RGS5: variants seen among roughly 807,000 people sequenced by gnomAD.
RGS5 encodes the protein regulator of G-protein signalling 5.
Under a neutral mutation model 18.9 loss-of-function variants are expected in RGS5, and 20 were observed. The observed-to-expected ratio is 1.06, with a 90% confidence interval of 0.74 to 1.54. The LOEUF (loss-of-function observed/expected upper bound fraction) is 1.54. Ranked by LOEUF, RGS5 falls within the 40% of genes most tolerant of loss-of-function variation. The pLI, the probability that RGS5 is intolerant of heterozygous loss-of-function variation, is 0.00. For synonymous variants in RGS5, 57 were observed against 76.2 expected, an observed-to-expected ratio of 0.75 and a Z score of 1.31; for missense variants, 201 against 211.8, an observed-to-expected ratio of 0.95 and a Z score of 0.32.
In RGS5 at chr1:163,168,291, T is replaced by G; in HGVS notation, c.122A>C (p.Asn41Thr). 1 of 1,613,830 alleles carries G rather than the reference T, an allele frequency of 6.2e-7. No individual in the cohort carries two copies. The highest frequency in any genetic ancestry group is 8.5e-7 in the Non-Finnish European group (1 of 1,179,792). ...CTTGGCTGGTTTCTCTGGCTTCTCA[T>G]TGTACGGAATGACAAGGTCACCAAC... is the stretch of plus-strand genomic sequence containing the variant. Reference protein sequence around the residue: ...DSVGDLVIPYNEKPEKPAKTQ... With the variant: ...DSVGDLVIPYTEKPEKPAKTQ... The change falls in exon 2 of 5, where the codon AAT becomes ACT. Residue 41 changes from asparagine (N) to threonine (T), a missense_variant. Physicochemically the swap from Asn to Thr is moderately conservative, Grantham distance 65. Coordinates refer to ENST00000313961, the MANE Select transcript of RGS5 (RefSeq NM_003617.4).
chr1:163,305,613 T>C (rs1325648154), intron 2 of RGS5, among the ~76,000 whole-genome samples: 2 of 152,200 alleles, frequency 1.3e-5, no homozygotes, highest in African/African-American at 4.8e-5. Flanking sequence ...CTTTCCCCCA[T>C]GTTTGCAAAC....
intron 2 of RGS5, among the ~76,000 whole-genome samples, chr1:163,225,738 A>G (rs906655235): frequency 1.3e-5 from 2 of 152,194 alleles, no homozygotes; most frequent in Admixed American, 6.5e-5. Flanking sequence ...TAATTTGACT[A>G]TGAAACCACT....
At chr1:163,280,678 A>T (rs1648969736) in intron 2 of RGS5, among the ~76,000 whole-genome samples, 1 of 152,174 alleles carries the variant, frequency 6.6e-6, no homozygotes, top group South Asian at 2.1e-4. Context: ...TGTTAAAATG[A>T]TCATACTAGC....
intron 2 of RGS5, among the ~76,000 whole-genome samples, chr1:163,282,294 T>A (rs1649014845): frequency 6.6e-6 from 1 of 152,130 alleles, no homozygotes; most frequent in Non-Finnish European, 1.5e-5. Flanking sequence ...TAAACATTTC[T>A]CAAAGGAAGA....
chr1:163,219,111 A>C (rs1660278792), upstream of RGS5, among the ~76,000 whole-genome samples: 1 of 124,910 alleles, frequency 8.0e-6, no homozygotes, highest in Non-Finnish European at 1.8e-5. Context: ...TATTTGTCTT[A>C]CTCTTTATCG....
At chr1:163,154,696 C>G (rs1442808264) in intron 3 of RGS5, among the ~76,000 whole-genome samples, 6 of 151,748 alleles carry the variant, frequency 4.0e-5, no homozygotes, top group African/African-American at 1.5e-4. Context: ...ATATTTCCTA[C>G]TATATTTCCA....
chr1:163,318,778 A>G (rs1298449050), intron 1 of RGS5: 1 of 152,208 alleles, frequency 6.6e-6, no homozygotes, highest in South Asian at 2.1e-4. Flanking sequence ...AATGCAAAAG[A>G]GAGGTCTAGA....
intron 2 of RGS5, among the ~76,000 whole-genome samples, chr1:163,262,862 T>C (rs1648481823): frequency 2.0e-5 from 3 of 152,186 alleles, no homozygotes; most frequent in Non-Finnish European, 2.9e-5. Context: ...ATTACTGTTA[T>C]TCACATCAAA....
At chr1:163,266,833 T>C (rs1196246307) in intron 2 of RGS5, among the ~76,000 whole-genome samples, 1 of 152,118 alleles carries the variant, frequency 6.6e-6, no homozygotes, top group East Asian at 1.9e-4. Context: ...ATACCCACTA[T>C]AGTGCCTGGA....
At chr1:163,300,336 T>C (rs1296090294) in intron 2 of RGS5, 2 of 152,250 alleles carry the variant, frequency 1.3e-5, no homozygotes, top group South Asian at 2.1e-4. Flanking sequence ...AATCTTCTCA[T>C]TGTTCCCAGA....
intron 2 of RGS5, among the ~76,000 whole-genome samples, chr1:163,293,859 T>C (rs1649355242): frequency 6.6e-6 from 1 of 152,216 alleles, no homozygotes; most frequent in South Asian, 2.1e-4. Context: ...ACAGGCACTT[T>C]GTTTATAAGT....
At chr1:163,284,100 C>T (rs777990771) in intron 2 of RGS5, among the ~76,000 whole-genome samples, 22 of 152,144 alleles carry the variant, frequency 1.4e-4, no homozygotes, top group Non-Finnish European at 1.5e-4. Flanking sequence ...AAAAATGTCA[C>T]GATGTATTTT....
intron 4 of RGS5, among the ~76,000 whole-genome samples, chr1:163,152,229 C>A (rs1657402714): frequency 6.6e-6 from 1 of 152,108 alleles, no homozygotes; most frequent in Admixed American, 6.6e-5. Flanking sequence ...ATAAAGTAGT[C>A]TCCATTATTC....
chr1:163,149,731 A>G (rs1324731579), intron 4 of RGS5, among the ~76,000 whole-genome samples: 1 of 152,176 alleles, frequency 6.6e-6, no homozygotes, highest in East Asian at 1.9e-4. Context: ...AGTTTCTTGT[A>G]TTAAAGAGTT....
chr1:163,251,095 C>G (rs1290489568), intron 2 of RGS5, among the ~76,000 whole-genome samples: 1 of 152,080 alleles, frequency 6.6e-6, no homozygotes, highest in Non-Finnish European at 1.5e-5. Flanking sequence ...TCTAGTAATA[C>G]ATTTTATAAT....
intron 2 of RGS5, among the ~76,000 whole-genome samples, chr1:163,269,340 C>T (rs1043663993): frequency 6.6e-6 from 1 of 152,074 alleles, no homozygotes; most frequent in Non-Finnish European, 1.5e-5. Flanking sequence ...TAGCTGCAAA[C>T]AGAAGGTCAA....
chr1:163,190,395 G>T (rs1171704898), intron 1 of RGS5, among the ~76,000 whole-genome samples: 1 of 152,098 alleles, frequency 6.6e-6, no homozygotes, highest in Non-Finnish European at 1.5e-5. Context: ...AATACCCATG[G>T]TGTCTTGGTG....
intron 2 of RGS5, among the ~76,000 whole-genome samples, chr1:163,256,793 G>T (rs1557921787): frequency 6.6e-6 from 1 of 152,192 alleles, no homozygotes; most frequent in Non-Finnish European, 1.5e-5. Flanking sequence ...AAAGGTAAGT[G>T]CAAGAAAGAG....
Position 163,233,914 on chromosome 1 carries a change from A to C in RGS5, c.-280-65546T>G, listed in dbSNP as rs141625966. On this transcript the variant is annotated intron_variant, in intron 2 of 5. Coordinates refer to the RGS5 transcript ENST00000618415. ...GAACAGATCACAATGGTGGAATCAC[A>C]GCTAAGGCAGGAACTGGCTATTTTC... 5.3e-3 allele frequency among the ~76,000 whole-genome samples: 812 copies of C among 152,326 alleles called. 13 individuals are homozygous for C. The highest frequency in any genetic ancestry group is 0.029 in the South Asian group (138 of 4,830).
Sources: gnomAD v4.1 joint callset for allele counts (sites outside exome capture counted in the v4.1 genomes callset) on GRCh38, gnomAD v4.1.1 for gene constraint, MANE v1.5 for transcripts, NCBI Gene and HGNC (gene_info 2026-07-23, HGNC 2026-07-21) for gene names.